Variants in GALNT14 observed in about 807,000 individuals in gnomAD.
The protein encoded by GALNT14 is UDP-GalNAc:polypeptide N-acetylgalactosaminyltransferase 14.
Under a neutral mutation model 77.5 loss-of-function variants are expected in GALNT14, and 60 were observed. That is an observed-to-expected ratio of 0.77 (90% CI 0.63 to 0.96). The LOEUF is 0.96. Among genes scored for constraint, GALNT14 ranks in the 40% least tolerant of loss-of-function variants. The pLI, the probability that GALNT14 is intolerant of heterozygous loss-of-function variation, is 0.00. For missense variants in GALNT14, 710 were observed against 731.0 expected (o/e 0.97, Z 0.33); for synonymous variants, 280 against 281.7 (o/e 0.99, Z 0.06).
chr2:31,076,629 A>ATATATATATATATATATATATATATATT (rs1553373502), intron 1 of GALNT14, among the ~76,000 whole-genome samples: 1 of 101,892 alleles, frequency 9.8e-6, no homozygotes, highest in African/African-American at 3.1e-5. Flanking sequence ...ATATATATAT[A>ATATATATATATATATATATATATATATT]TTTTTTTTTT....
chr2:30,947,382 T>C (rs1195170539), intron 6 of GALNT14, among the ~76,000 whole-genome samples: 2 of 152,196 alleles, frequency 1.3e-5, no homozygotes, highest in Non-Finnish European at 2.9e-5. Flanking sequence ...GGCCACCCCA[T>C]CTACGGCATC....
intron 1 of GALNT14, among the ~76,000 whole-genome samples, chr2:30,996,803 T>A (rs1670064360): frequency 6.6e-6 from 1 of 152,166 alleles, no homozygotes; most frequent in African/African-American, 2.4e-5. Context: ...GAGGGGCCTG[T>A]TCCCCTCAGA....
intron 1 of GALNT14, among the ~76,000 whole-genome samples, chr2:31,037,428 T>C (rs1672807493): frequency 6.6e-6 from 1 of 152,246 alleles, no homozygotes; most frequent in Non-Finnish European, 1.5e-5. Flanking sequence ...CTTCCTTTAG[T>C]TATTTGAACA....
chr2:31,119,180 CAG>C (rs1678261914), intron 1 of GALNT14, among the ~76,000 whole-genome samples: 2 of 152,042 alleles, frequency 1.3e-5, no homozygotes, highest in Admixed American at 1.3e-4. Flanking sequence ...TTAATCAAGA[CAG>C]GGCATTCATG....
At chr2:30,922,496 C>T (rs554065129) in intron 13 of GALNT14, among the ~76,000 whole-genome samples, 108 of 152,362 alleles carry the variant, frequency 7.1e-4, no homozygotes, top group African/African-American at 2.5e-3. Context: ...CACTCTCCAA[C>T]CCTACTCTCC....
intron 1 of GALNT14, among the ~76,000 whole-genome samples, chr2:30,999,348 G>C (rs975555230): frequency 5.3e-5 from 8 of 152,152 alleles, no homozygotes; most frequent in Non-Finnish European, 1.2e-4. Flanking sequence ...TTTTGGATCT[G>C]GTTATGCCCC....
intron 3 of GALNT14, among the ~76,000 whole-genome samples, chr2:30,958,955 C>T (rs888547989): frequency 2.6e-4 from 39 of 152,284 alleles, no homozygotes; most frequent in African/African-American, 8.9e-4. Flanking sequence ...AACTGACAGC[C>T]CCCCAGGGGC....
chr2:30,964,439 T>C (rs967700962), intron 3 of GALNT14, among the ~76,000 whole-genome samples: 9 of 152,182 alleles, frequency 5.9e-5, no homozygotes, highest in African/African-American at 2.2e-4. Flanking sequence ...GCCTCCTCCA[T>C]CCCTGTTGTC....
intron 10 of GALNT14, among the ~76,000 whole-genome samples, chr2:30,929,785 T>A (rs896425056): frequency 6.6e-6 from 1 of 152,252 alleles, no homozygotes; most frequent in Non-Finnish European, 1.5e-5. Flanking sequence ...TTTGGAATAT[T>A]TGCATATACA....
chr2:31,058,626 G>C (rs1342557971), intron 1 of GALNT14, among the ~76,000 whole-genome samples: 1 of 152,126 alleles, frequency 6.6e-6, no homozygotes, highest in Non-Finnish European at 1.5e-5. Context: ...AGCCATGTGG[G>C]CTCAGGGCAC....
chr2:31,130,915 C>G (rs1409338351), intron 1 of GALNT14, among the ~76,000 whole-genome samples: 4 of 152,122 alleles, frequency 2.6e-5, no homozygotes, highest in African/African-American at 9.7e-5. Flanking sequence ...GTTAATCTAG[C>G]ATTTCTGGTA....
intron 1 of GALNT14, among the ~76,000 whole-genome samples, chr2:31,027,729 T>C (rs569058404): frequency 2.0e-5 from 3 of 152,286 alleles, no homozygotes; most frequent in East Asian, 3.9e-4. Context: ...CCCCACCCTG[T>C]ATGGTGAAAT....
intron 1 of GALNT14, among the ~76,000 whole-genome samples, chr2:31,067,786 A>C (rs1424247074): frequency 1.3e-5 from 2 of 152,090 alleles, no homozygotes; most frequent in African/African-American, 2.4e-5. Flanking sequence ...GGCATGTCTC[A>C]CCCCATTTTC....
chr2:30,900,589 G>A, the GALNT14 span, among the ~76,000 whole-genome samples: 6 of 152,064 alleles, frequency 3.9e-5, no homozygotes, highest in Non-Finnish European at 8.8e-5. Flanking sequence ...GAAAGACAGC[G>A]GTGACAGCTA....
At chr2:30,965,684 G>A (rs569559353) in intron 3 of GALNT14, among the ~76,000 whole-genome samples, 1 of 152,158 alleles carries the variant, frequency 6.6e-6, no homozygotes, top group Non-Finnish European at 1.5e-5. Context: ...GAAGCCCAGG[G>A]GAACGGGGAT....
At chr2:31,037,785 C>T (rs992621722) in intron 1 of GALNT14, among the ~76,000 whole-genome samples, 4 of 151,824 alleles carry the variant, frequency 2.6e-5, no homozygotes, top group African/African-American at 9.7e-5. Flanking sequence ...AATACGTCTC[C>T]CAGACTTCGC....
At chr2:31,135,663 C>T (rs1679197429) in intron 1 of GALNT14, among the ~76,000 whole-genome samples, 1 of 152,160 alleles carries the variant, frequency 6.6e-6, no homozygotes, top group Non-Finnish European at 1.5e-5. Flanking sequence ...AACTAGAAAA[C>T]CTCCTCTTTT....
At chr2:30,988,570 AGT>A in intron 2 of GALNT14, among the ~76,000 whole-genome samples, 1 of 145,160 alleles carries the variant, frequency 6.9e-6, no homozygotes, top group African/African-American at 2.6e-5. Flanking sequence ...AGAGGGCTGT[AGT>A]GTGTGGGGGA....
intron 9 of GALNT14, among the ~76,000 whole-genome samples, chr2:30,934,203 T>G (rs1420047801): frequency 6.6e-6 from 1 of 152,180 alleles, no homozygotes; most frequent in African/African-American, 2.4e-5. Flanking sequence ...CTCAGCCAAC[T>G]GCCTGGCACC....
Sources: allele counts gnomAD v4.1 joint callset (sites outside exome capture counted in the v4.1 genomes callset), GRCh38; gene constraint gnomAD v4.1.1; transcripts MANE v1.5; gene names NCBI Gene and HGNC (gene_info 2026-07-23, HGNC 2026-07-21).